Variants in NRP1 observed in about 807,000 individuals in gnomAD.
NRP1 encodes the protein neuropilin 1, also known as neuropilin-1.
NRP1 carries 35 observed loss-of-function variants against 106.7 expected under a neutral mutation model. The ratio of observed to expected loss-of-function variants is 0.33; its 90% CI spans 0.25 to 0.43. The LOEUF (loss-of-function observed/expected upper bound fraction) is 0.43, where lower values mean the gene tolerates loss of function less well. Among genes scored for constraint, NRP1 ranks in the 20% least tolerant of loss-of-function variants. The pLI is 1.00. For synonymous variants in NRP1, 437 were observed against 417.9 expected (o/e 1.05, Z -0.56); for missense variants, 1,024 against 1,170.4 (o/e 0.87, Z 1.83).
At position 33,334,533 on chromosome 10, in the gene NRP1, G is replaced by A. The variant is rs539347597; in HGVS notation, c.-151C>T. The A allele has an allele frequency of 1.6e-6, 1 of 631,988 alleles. No individual in the cohort carries two copies. The highest frequency in any genetic ancestry group is 2.7e-6 in the Non-Finnish European group (1 of 374,300). 39.1% of individuals were successfully genotyped at this position (631,988 alleles called of 1,614,324 possible). A position where few individuals can be genotyped will look rare whatever the true frequency, so the allele number is the denominator to read the frequency against. ...CGTCTTGGAGAAAAGAAAGCAGCGA[G>A]GCAATGCCTGGATCCGAGAGGAACG... is the stretch of plus-strand genomic sequence containing the variant. On this transcript the variant is annotated 5_prime_UTR_variant, in exon 1 of 17. Transcript: ENST00000374867.
chr10:33,254,846 T>C (rs1429838093), intron 5 of NRP1, among the ~76,000 whole-genome samples: 2 of 152,212 alleles, frequency 1.3e-5, no homozygotes, highest in African/African-American at 4.8e-5. Flanking sequence ...AAAATCATAA[T>C]GCTCACAACA....
At chr10:33,269,634 T>G (rs1843156380) in intron 3 of NRP1, among the ~76,000 whole-genome samples, 1 of 152,164 alleles carries the variant, frequency 6.6e-6, no homozygotes, top group Non-Finnish European at 1.5e-5. Flanking sequence ...GTTAGGAACT[T>G]AGCCACACAG....
chr10:33,263,575 G>T, intron 4 of NRP1, 71 bp downstream of exon 4: 1 of 1,121,150 alleles, frequency 8.9e-7, no homozygotes, highest in Non-Finnish European at 1.3e-6. Context: ...TGTATCATGA[G>T]ACTTGTAAAA....
chr10:33,191,525 G>T (rs1025216708), intron 13 of NRP1, among the ~76,000 whole-genome samples: 2 of 152,206 alleles, frequency 1.3e-5, no homozygotes, highest in Non-Finnish European at 2.9e-5. Context: ...GCTTGGACTT[G>T]TTTGAAAATA....
At chr10:33,309,149 C>T (rs1846387310) in intron 2 of NRP1, among the ~76,000 whole-genome samples, 1 of 152,168 alleles carries the variant, frequency 6.6e-6, no homozygotes, top group African/African-American at 2.4e-5. Flanking sequence ...ACTTGTGCTG[C>T]CACTTTTTCC....
intron 6 of NRP1, among the ~76,000 whole-genome samples, chr10:33,242,119 A>G (rs1260151165): frequency 2.0e-5 from 3 of 151,378 alleles, no homozygotes; most frequent in African/African-American, 7.4e-5. Flanking sequence ...TGAATCCCAA[A>G]TCACCTCTTC....
At position 33,291,611 on chromosome 10, in the gene NRP1, CAG is replaced by C. The variant is rs569726645; in HGVS notation, c.249-20757_249-20756del. On this transcript the variant is annotated intron_variant, in intron 2 of 16. Transcript: ENST00000374867. The stretch of plus-strand genomic sequence containing the variant: ...AAGAAATTAGTAGGAGCATATCAAA[CAG>C]ATGCAAATATACAATTTTTGATAGA... 2.8e-3 allele frequency among the ~76,000 whole-genome samples: 423 copies of C among 152,250 alleles called. 2 individuals carry two copies. The highest frequency in any genetic ancestry group is 4.3e-3 in the Non-Finnish European group (293 of 68,016).
intron 7 of NRP1, among the ~76,000 whole-genome samples, chr10:33,223,470 A>G: frequency 6.6e-6 from 1 of 151,638 alleles, no homozygotes; most frequent in East Asian, 1.9e-4. Flanking sequence ...TAAAAAAAAA[A>G]AAAAATTAGC....
chr10:33,328,723 T>C (rs1848065733), intron 2 of NRP1, among the ~76,000 whole-genome samples: 1 of 152,184 alleles, frequency 6.6e-6, no homozygotes, highest in Non-Finnish European at 1.5e-5. Flanking sequence ...AAATTGGCTA[T>C]GATGAGAGTA....
Position 33,330,881 on chromosome 10 carries a change from A to G in NRP1, c.75T>C (p.Asp25=), listed in dbSNP as rs1393519854. ...CAATTTTTATAGTATCGCCACATTT[A>G]TCTGCAATGAAAGTAAGATTTTAGC... ...VLAPAGAFRN[D]KCGDTIKIES... The change falls in exon 2 of 17, where the codon GAT becomes GAC. Residue 25 remains aspartate (D), a splice_region_variant and synonymous_variant. Transcript: ENST00000374867. The G allele has an allele frequency of 1.3e-6, 2 of 1,598,816 alleles. No homozygotes were observed. The highest frequency in any genetic ancestry group is 1.1e-5 in the South Asian group (1 of 89,512).
chr10:33,309,440 G>T (rs995560136), intron 2 of NRP1, among the ~76,000 whole-genome samples: 1 of 152,144 alleles, frequency 6.6e-6, no homozygotes, highest in South Asian at 2.1e-4. Context: ...AGAAATGCGC[G>T]GTGTCTCTTC....
chr10:33,245,112 T>C (rs1841320651), intron 6 of NRP1, among the ~76,000 whole-genome samples: 1 of 152,112 alleles, frequency 6.6e-6, no homozygotes. Flanking sequence ...AGAACTACGG[T>C]TCTGTTCAAA....
At chr10:33,323,233 A>G (rs1453056904) in intron 2 of NRP1, among the ~76,000 whole-genome samples, 1 of 92,956 alleles carries the variant, frequency 1.1e-5, no homozygotes, top group Non-Finnish European at 2.8e-5. Flanking sequence ...ATAAATAAAT[A>G]TGTTTTTCAA....
intron 8 of NRP1, among the ~76,000 whole-genome samples, chr10:33,215,225 T>C (rs1838662390): frequency 6.6e-6 from 1 of 152,210 alleles, no homozygotes; most frequent in Non-Finnish European, 1.5e-5. Flanking sequence ...TCCTCATCAT[T>C]GCCTTTGCTC....
chr10:33,269,841 G>A (rs1373140569), intron 3 of NRP1, among the ~76,000 whole-genome samples: 1 of 152,204 alleles, frequency 6.6e-6, no homozygotes, highest in Non-Finnish European at 1.5e-5. Flanking sequence ...TAATGCCTGA[G>A]GATCTGTCAC....
intron 7 of NRP1, among the ~76,000 whole-genome samples, chr10:33,224,109 C>T (rs149532522): frequency 7.3e-4 from 111 of 152,288 alleles, no homozygotes; most frequent in African/African-American, 2.6e-3. Context: ...GGGTGGGCAA[C>T]AATCATGAGG....
In NRP1 at chr10:33,244,866, G is replaced by C. The variant is rs190145555; in HGVS notation, c.981+9162C>G. Among the ~76,000 whole-genome samples the C allele has an allele frequency of 3.3e-5, 5 of 152,242 alleles. No individual in the cohort carries two copies. The East Asian group carries it at 9.7e-4, about 29-fold the overall frequency. On this transcript the variant is annotated intron_variant, in intron 6 of 16. Transcript: ENST00000374867. ...TTCAGTCTTATTTTGCCTAAATCTT[G>C]TCAATGATAATTTGCAATTTTATCC... is the stretch of plus-strand genomic sequence containing the variant.
chr10:33,225,195 A>C (rs1839562684), intron 7 of NRP1, among the ~76,000 whole-genome samples: 1 of 152,096 alleles, frequency 6.6e-6, no homozygotes, highest in African/African-American at 2.4e-5. Context: ...GCCCTGTCCG[A>C]GAGTGGGGGT....
intron 11 of NRP1, 22 bp from the exon 12 acceptor site, chr10:33,197,731 A>G (rs373576037): frequency 2.0e-6 from 3 of 1,505,200 alleles, no homozygotes; most frequent in South Asian, 1.2e-5. Flanking sequence ...AAACAGGAAC[A>G]TGCAAAAATA....
Sources: gnomAD v4.1 joint callset for allele counts (sites outside exome capture counted in the v4.1 genomes callset) on GRCh38, gnomAD v4.1.1 for gene constraint, MANE v1.5 for transcripts, NCBI Gene and HGNC (gene_info 2026-07-23, HGNC 2026-07-21) for gene names.